ZNF678: variants seen among roughly 807,000 people sequenced by gnomAD.
ZNF678 encodes zinc finger protein 678, also known as hypothetical protein MGC42493.
In ZNF678, 5 loss-of-function variants were observed where a neutral mutation model predicts 3.0. That is an observed-to-expected ratio of 1.69 (90% CI 0.88 to 3.56). The LOEUF is 3.56. Among genes scored for constraint, ZNF678 ranks in the 30% most tolerant of loss-of-function variants. The pLI, the probability that ZNF678 is intolerant of heterozygous loss-of-function variation, is 0.00. For synonymous variants in ZNF678, 218 were observed against 199.6 expected (o/e 1.09, Z -0.78); for missense variants, 593 against 605.0 (o/e 0.98, Z 0.21).
intron 1 of ZNF678, among the ~76,000 whole-genome samples, chr1:227,614,518 T>TA (rs1658097128): frequency 6.6e-6 from 1 of 152,198 alleles, no homozygotes; most frequent in South Asian, 2.1e-4. Flanking sequence ...TCCCTATTTA[T>TA]AAAAAAATCA....
At chr1:227,636,507 C>A (rs1658683176) in intron 1 of ZNF678, among the ~76,000 whole-genome samples, 1 of 152,144 alleles carries the variant, frequency 6.6e-6, no homozygotes, top group African/African-American at 2.4e-5. Flanking sequence ...TCTAGTTATT[C>A]TATTTAGCAT....
In ZNF678 at chr1:227,654,972, A is replaced by G; in HGVS notation, c.722A>G (p.Glu241Gly). 6.2e-7 allele frequency: 1 copy of G among 1,612,570 alleles called. No individual in the cohort carries two copies. The highest frequency in any genetic ancestry group is 8.5e-7 in the Non-Finnish European group (1 of 1,179,446). The change falls in exon 4 of 4, where the codon GAA (glutamate) becomes GGA (glycine). Residue 241 changes from glutamate to glycine, a missense_variant. Glu to Gly is a moderately conservative substitution (Grantham distance 98). Coordinates refer to ENST00000343776, the MANE Select transcript of ZNF678 (RefSeq NM_001367909.1). The stretch of plus-strand genomic sequence containing the variant: ...GGAGAGAAACCCTACAAATGCAAAG[A>G]ATGTTGCAAAGCCTTTAACAAGTTC... ...HTGEKPYKCK[E>G]CCKAFNKFSN...
chr1:227,645,189 G>A (rs763525046), intron 1 of ZNF678, among the ~76,000 whole-genome samples: 8 of 152,188 alleles, frequency 5.3e-5, no homozygotes, highest in Admixed American at 2.0e-4. Flanking sequence ...TTCTGCCTGT[G>A]TGTATGGTCA....
At chr1:227,635,565 A>G (rs1337911987) in intron 1 of ZNF678, among the ~76,000 whole-genome samples, 1 of 69,318 alleles carries the variant, frequency 1.4e-5, no homozygotes. Flanking sequence ...GTGTGTGTGT[A>G]GCAACATGCT....
downstream of ZNF678, among the ~76,000 whole-genome samples, chr1:227,663,922 T>C (rs1454034304): frequency 6.6e-6 from 1 of 152,190 alleles, no homozygotes; most frequent in African/African-American, 2.4e-5. Flanking sequence ...GTGCTAGATA[T>C]GCTCGGTGGC....
chr1:227,610,841 G>A lies in ZNF678; in HGVS notation c.-163-35703G>A, dbSNP rs1657999527. On this transcript the variant is annotated intron_variant, in intron 1 of 3. Transcript: ENST00000343776. ...TCCTGTTACATATGACATGATAGAA[G>A]GGGGGTTTTCTGAAACCACTTTCTT... Among the ~76,000 whole-genome samples the A allele has an allele frequency of 2.0e-5, 3 of 152,284 alleles. No homozygotes were observed. The South Asian group carries it at 6.2e-4, about 32-fold the overall frequency.
downstream of ZNF678, among the ~76,000 whole-genome samples, chr1:227,664,775 C>CT (rs1411412734): frequency 6.6e-6 from 1 of 151,978 alleles, no homozygotes; most frequent in Non-Finnish European, 1.5e-5. Flanking sequence ...AGTAAGGTCA[C>CT]TTCAGGGTTC....
chr1:227,574,592 T>G (rs1656941592), intron 1 of ZNF678, among the ~76,000 whole-genome samples: 1 of 152,180 alleles, frequency 6.6e-6, no homozygotes. Flanking sequence ...TTGCAACAGT[T>G]TTCTCCCATT....
rs372424484 is a variant in ZNF678, at chr1:227,579,557, G to A, written c.-164+15833G>A. On this transcript the variant is annotated intron_variant, in intron 1 of 3. Transcript: ENST00000343776. ...TAGACATGCACCAGCAAAGTGATGT[G>A]GGAAGTTACCATGGCCCTGGGGGAA... 6.0e-4 allele frequency among the ~76,000 whole-genome samples: 91 copies of A among 152,248 alleles called. 1 individual carries two copies. The South Asian group carries it at 0.018, about 31-fold the overall frequency.
chr1:227,587,351 A>AACAAG (rs1657288282), intron 1 of ZNF678, among the ~76,000 whole-genome samples: 2 of 152,144 alleles, frequency 1.3e-5, no homozygotes, highest in Admixed American at 1.3e-4. Context: ...AACAAAACAA[A>AACAAG]ACAAAACAAA....
intron 1 of ZNF678, among the ~76,000 whole-genome samples, chr1:227,642,003 A>G (rs1658833677): frequency 6.6e-6 from 1 of 152,172 alleles, no homozygotes; most frequent in South Asian, 2.1e-4. Context: ...AAACTTTTGA[A>G]TCTAGGTCCT....
At chr1:227,604,750 A>T (rs1657822328) in intron 1 of ZNF678, among the ~76,000 whole-genome samples, 2 of 152,226 alleles carry the variant, frequency 1.3e-5, no homozygotes, top group South Asian at 4.1e-4. Context: ...TTATATACTT[A>T]CTTACAATTT....
chr1:227,650,846 T>C lies in ZNF678; in HGVS notation c.-36-110T>C, dbSNP rs564094788. The C allele has an allele frequency of 1.2e-3, 900 of 754,990 alleles. 11 individuals are homozygous for C. The African/African-American group carries it at 0.014, about 12-fold the overall frequency. 46.8% of individuals were successfully genotyped at this position (754,990 alleles called of 1,614,324 possible). ...ACTGAGATTTTTGATTTATTTGTTATGGCTTTCTACATATAAGATAATGTC... is the reference window on the plus strand; with the variant it reads ...ACTGAGATTTTTGATTTATTTGTTACGGCTTTCTACATATAAGATAATGTC... On this transcript the variant is annotated intron_variant, in intron 2 of 3. Transcript: ENST00000343776.
At chr1:227,574,192 A>G (rs966130774) in intron 1 of ZNF678, among the ~76,000 whole-genome samples, 2 of 152,202 alleles carry the variant, frequency 1.3e-5, no homozygotes, top group Admixed American at 1.3e-4. Flanking sequence ...ATACCCAGTA[A>G]TGAGATAGCT....
intron 1 of ZNF678, among the ~76,000 whole-genome samples, chr1:227,593,487 C>T (rs993677852): frequency 6.6e-6 from 1 of 152,132 alleles, no homozygotes; most frequent in East Asian, 1.9e-4. Flanking sequence ...CATTGGGGGG[C>T]AAGACTCCTG....
intron 5 of ZNF678, among the ~76,000 whole-genome samples, chr1:227,668,119 A>G (rs948764841): frequency 6.6e-6 from 1 of 152,206 alleles, no homozygotes; most frequent in African/African-American, 2.4e-5. Flanking sequence ...CTAACAATGT[A>G]GATATTTGAG....
chr1:227,599,654 A>G (rs1657683982), intron 1 of ZNF678, among the ~76,000 whole-genome samples: 1 of 152,098 alleles, frequency 6.6e-6, no homozygotes, highest in African/African-American at 2.4e-5. Context: ...GCTATTAGAG[A>G]ATTTTTTTTT....
chr1:227,646,026 A>T (rs1658947422), intron 1 of ZNF678, among the ~76,000 whole-genome samples: 1 of 152,242 alleles, frequency 6.6e-6, no homozygotes. Context: ...TGGTCAAATG[A>T]ACTGAGATAA....
chr1:227,591,216 A>C (rs1169929334), intron 1 of ZNF678, among the ~76,000 whole-genome samples: 1 of 151,764 alleles, frequency 6.6e-6, no homozygotes, highest in African/African-American at 2.4e-5. Context: ...TATTTACTTG[A>C]AGATCCAGTC....
Sources: allele counts gnomAD v4.1 joint callset (sites outside exome capture counted in the v4.1 genomes callset), GRCh38; gene constraint gnomAD v4.1.1; transcripts MANE v1.5; gene names NCBI Gene and HGNC (gene_info 2026-07-23, HGNC 2026-07-21).